Variants in GOLM2 observed in about 807,000 individuals in gnomAD.
The protein encoded by GOLM2 is golgi membrane protein 2.
In GOLM2, 26 loss-of-function variants were observed where a neutral mutation model predicts 55.9. The observed-to-expected ratio is 0.47, with a 90% CI of 0.34 to 0.65. The LOEUF (loss-of-function observed/expected upper bound fraction) is 0.65. Among genes scored for constraint, GOLM2 ranks in the 30% least tolerant of loss-of-function variants. The pLI is 0.01. For missense variants in GOLM2, 486 were observed against 531.8 expected, an observed-to-expected ratio of 0.91 and a Z score of 0.85; for synonymous variants, 165 against 194.6, an observed-to-expected ratio of 0.85 and a Z score of 1.27.
intron 1 of GOLM2, chr15:44,308,398 A>G (rs555469479): frequency 5.9e-5 from 9 of 152,274 alleles, no homozygotes; most frequent in Non-Finnish European, 1.2e-4. Flanking sequence ...TCAGAACTTC[A>G]TTCCTCTTTA....
At position 44,310,470 on chromosome 15, in the gene GOLM2, G is replaced by C. The variant is rs35102226; in HGVS notation, c.328-12495G>C. Among the ~76,000 whole-genome samples, 386 of 121,768 alleles carry C rather than the reference G, an allele frequency of 3.2e-3. 2 individuals are homozygous for C. Among genetic ancestry groups the C allele is most frequent in the African/African-American group, 0.01 (328 of 31,868 alleles). 79.9% of individuals were successfully genotyped at this position (121,768 alleles called of 152,430 possible). On this transcript the variant is annotated intron_variant, in intron 1 of 9. Coordinates refer to ENST00000299957, the MANE Select transcript of GOLM2 (RefSeq NM_138423.4). ...TCTCTCTCTCTATATATATATATAT[G>C]TATATATATATATATATATACACAC...
At chr15:44,300,428 G>T in intron 1 of GOLM2, among the ~76,000 whole-genome samples, 1 of 151,990 alleles carries the variant, frequency 6.6e-6, no homozygotes, top group East Asian at 1.9e-4. Context: ...TCTTATTTTT[G>T]TATTTCTCTG....
chr15:44,338,050 G>A (rs370517866), intron 5 of GOLM2, 143 bp downstream of exon 5: 3 of 1,014,042 alleles, frequency 3.0e-6, no homozygotes, highest in Non-Finnish European at 1.4e-6. Flanking sequence ...TTTCAAATTT[G>A]GATTGTTTGA....
chr15:44,306,454 G>A (rs2141115523), intron 1 of GOLM2, among the ~76,000 whole-genome samples: 1 of 152,264 alleles, frequency 6.6e-6, no homozygotes, highest in South Asian at 2.1e-4. Context: ...TGGTTAGTTT[G>A]ACCTATCTGG....
chr15:44,355,175 T>A, intron 6 of GOLM2: 1 of 189,042 alleles, frequency 5.3e-6, no homozygotes, highest in East Asian at 1.3e-4. Context: ...ACCAAGATCA[T>A]CCATGATAGC....
chr15:44,381,899 C>T (rs921890892), intron 8 of GOLM2, among the ~76,000 whole-genome samples: 10 of 152,094 alleles, frequency 6.6e-5, no homozygotes, highest in Admixed American at 5.9e-4. Flanking sequence ...GTGATCCTCC[C>T]GCCTTAGCCT....
intron 3 of GOLM2, among the ~76,000 whole-genome samples, chr15:44,331,711 A>G (rs182985305): frequency 6.6e-6 from 1 of 152,080 alleles, no homozygotes; most frequent in African/African-American, 2.4e-5. Flanking sequence ...GTTTTTTTTT[A>G]ATAGATGCAA....
chr15:44,379,264 A>G (rs1480628696), intron 6 of GOLM2, among the ~76,000 whole-genome samples: 2 of 152,014 alleles, frequency 1.3e-5, no homozygotes, highest in Non-Finnish European at 1.5e-5. Context: ...ATCACCTGAG[A>G]TCCAGGGTTC....
chr15:44,359,065 G>C (rs1360845889), intron 6 of GOLM2, among the ~76,000 whole-genome samples: 1 of 151,860 alleles, frequency 6.6e-6, no homozygotes, highest in African/African-American at 2.4e-5. Flanking sequence ...CAGGAGAATG[G>C]CGTGAACCAG....
chr15:44,315,838 C>T (rs577319697), intron 1 of GOLM2, among the ~76,000 whole-genome samples: 12 of 151,998 alleles, frequency 7.9e-5, no homozygotes, highest in African/African-American at 2.4e-4. Context: ...GCAATGACGG[C>T]GATAACAAGG....
intron 1 of GOLM2, among the ~76,000 whole-genome samples, chr15:44,310,942 G>A (rs1002643718): frequency 1.5e-4 from 23 of 151,490 alleles, no homozygotes; most frequent in African/African-American, 5.3e-4. Flanking sequence ...GCTTGAACCC[G>A]GGAGGCGGAG....
intron 6 of GOLM2, among the ~76,000 whole-genome samples, chr15:44,360,788 A>G (rs2079232374): frequency 6.6e-6 from 1 of 152,170 alleles, no homozygotes; most frequent in Non-Finnish European, 1.5e-5. Flanking sequence ...TCCAAAATTG[A>G]CCACATAGTT....
intron 6 of GOLM2, among the ~76,000 whole-genome samples, chr15:44,354,155 A>G (rs752057452): frequency 2.0e-5 from 3 of 152,146 alleles, no homozygotes; most frequent in Non-Finnish European, 4.4e-5. Flanking sequence ...ATTGACATCT[A>G]TTAACCACTT....
chr15:44,294,546 C>G (rs558366087), intron 1 of GOLM2, among the ~76,000 whole-genome samples: 3 of 152,008 alleles, frequency 2.0e-5, no homozygotes, highest in South Asian at 4.2e-4. Context: ...AACTCCGTCT[C>G]TACTAAAAAT....
At chr15:44,400,148 G>T (rs1342192860) in intron 8 of GOLM2, among the ~76,000 whole-genome samples, 1 of 151,834 alleles carries the variant, frequency 6.6e-6, no homozygotes, top group Non-Finnish European at 1.5e-5. Flanking sequence ...CTATTCTCTT[G>T]TATGTTTCTT....
chr15:44,310,819 C>G (rs943394736), intron 1 of GOLM2, among the ~76,000 whole-genome samples: 26 of 152,206 alleles, frequency 1.7e-4, no homozygotes, highest in African/African-American at 6.0e-4. Flanking sequence ...GAATTTGAGA[C>G]CAGCCTGACC....
chr15:44,414,871 A>C lies in GOLM2; in HGVS notation c.*1465A>C, dbSNP rs1225524113. 1 of 152,628 alleles carries C rather than the reference A, an allele frequency of 6.6e-6. No individual in the cohort carries two copies. The highest frequency in any genetic ancestry group is 2.4e-5 in the African/African-American group (1 of 41,456). 9.5% of individuals were successfully genotyped at this position (152,628 alleles called of 1,614,324 possible). ...TATCTTTTTTGACACTATTCAGTGG[A>C]ATGTGTAAGCTAGCTAATTCTTGTT... On this transcript the variant is annotated 3_prime_UTR_variant, in exon 10 of 10. Coordinates refer to ENST00000299957, the MANE Select transcript of GOLM2 (RefSeq NM_138423.4).
chr15:44,378,114 C>T (rs189196322), intron 6 of GOLM2, among the ~76,000 whole-genome samples: 7,377 of 150,696 alleles, frequency 0.049, 293 homozygotes, highest in East Asian at 0.2. Flanking sequence ...AGTGGTGTGA[C>T]CTCGGCTCAC....
chr15:44,339,697 C>T (rs1412036949), intron 6 of GOLM2, among the ~76,000 whole-genome samples: 1 of 152,114 alleles, frequency 6.6e-6, no homozygotes, highest in African/African-American at 2.4e-5. Flanking sequence ...TGCAGTGGTG[C>T]AGTCATGGCT....
Sources: gnomAD v4.1 joint callset for allele counts (sites outside exome capture counted in the v4.1 genomes callset) on GRCh38, gnomAD v4.1.1 for gene constraint, MANE v1.5 for transcripts, NCBI Gene and HGNC (gene_info 2026-07-23, HGNC 2026-07-21) for gene names.